MPP7: variants seen among roughly 807,000 people sequenced by gnomAD.
MPP7 encodes the protein MAGUK p55 scaffold protein 7.
MPP7 carries 60 observed loss-of-function variants against 76.5 expected under a neutral mutation model. That is an observed-to-expected ratio of 0.78 (90% CI 0.64 to 0.97). The LOEUF (loss-of-function observed/expected upper bound fraction) is 0.97, where lower values mean the gene tolerates loss of function less well. Among genes scored for constraint, MPP7 ranks in the 50% least tolerant of loss-of-function variants. The probability of loss-of-function intolerance (pLI) is 0.00; values close to 1 mark genes in which losing one functional copy is unlikely to be tolerated. For missense variants in MPP7, 641 were observed against 694.0 expected (o/e 0.92, Z 0.86); for synonymous variants, 237 against 244.5 (o/e 0.97, Z 0.29).
At chr10:28,250,646 T>C (rs1008032648) in intron 1 of MPP7, among the ~76,000 whole-genome samples, 1 of 152,214 alleles carries the variant, frequency 6.6e-6, no homozygotes, top group African/African-American at 2.4e-5. Context: ...ATTCCTTAAA[T>C]TGAGACATGC....
chr10:28,081,642 C>G (rs1852763805), intron 12 of MPP7, among the ~76,000 whole-genome samples: 1 of 151,992 alleles, frequency 6.6e-6, no homozygotes, highest in Non-Finnish European at 1.5e-5. Flanking sequence ...GAATAAAAAC[C>G]ATATAGCATT....
At chr10:28,138,982 C>T (rs1835430309) in intron 5 of MPP7, among the ~76,000 whole-genome samples, 1 of 152,120 alleles carries the variant, frequency 6.6e-6, no homozygotes, top group East Asian at 1.9e-4. Flanking sequence ...GGCAGACTGC[C>T]ACTGTTACTG....
intron 1 of MPP7, among the ~76,000 whole-genome samples, chr10:28,330,840 C>T (rs1053114782): frequency 2.6e-5 from 4 of 151,924 alleles, no homozygotes; most frequent in African/African-American, 7.3e-5. Context: ...AATTGTTTTT[C>T]GTAGAGTTGA....
intron 1 of MPP7, among the ~76,000 whole-genome samples, chr10:28,280,712 A>G (rs1488217272): frequency 1.3e-5 from 2 of 152,100 alleles, no homozygotes; most frequent in Admixed American, 6.5e-5. Context: ...AAGGCAGGCT[A>G]GGGCGCAGCC....
chr10:28,076,893 A>C (rs908375007), intron 12 of MPP7, among the ~76,000 whole-genome samples: 2 of 151,916 alleles, frequency 1.3e-5, no homozygotes, highest in Non-Finnish European at 2.9e-5. Flanking sequence ...GTCTGAAAAA[A>C]AAAAAAAAAT....
chr10:28,118,728 T>C, intron 11 of MPP7: 2 of 985,454 alleles, frequency 2.0e-6, no homozygotes, highest in South Asian at 9.4e-5. Context: ...CTTTAAGCAT[T>C]TGCCTGCTTG....
At chr10:28,141,428 T>C (rs909193679) in intron 5 of MPP7, among the ~76,000 whole-genome samples, 2 of 152,162 alleles carry the variant, frequency 1.3e-5, no homozygotes, top group African/African-American at 4.8e-5. Flanking sequence ...CAGGAAAAGA[T>C]TTTTAAAAAA....
chr10:28,264,409 T>C (rs74129033), intron 1 of MPP7, among the ~76,000 whole-genome samples: 1 of 152,016 alleles, frequency 6.6e-6, no homozygotes. Flanking sequence ...AGAAATCTAG[T>C]GCCCAGCCCT....
chr10:28,059,022 G>A (rs1000906124), intron 14 of MPP7, among the ~76,000 whole-genome samples: 1 of 152,120 alleles, frequency 6.6e-6, no homozygotes, highest in Non-Finnish European at 1.5e-5. Flanking sequence ...CAGGGCAGTC[G>A]ATCATGTGCT....
intron 3 of MPP7, among the ~76,000 whole-genome samples, chr10:28,152,465 A>G (rs1172390266): frequency 6.6e-6 from 1 of 152,196 alleles, no homozygotes; most frequent in African/African-American, 2.4e-5. Context: ...AAAGAAAAAA[A>G]TGATTTTTCA....
chr10:28,112,486 T>C (rs7907597), intron 11 of MPP7, among the ~76,000 whole-genome samples: 138,166 of 152,274 alleles, frequency 0.91, 62,717 homozygotes, highest in East Asian at 0.96. Context: ...ATTTCACATT[T>C]TAATAAAATT....
At chr10:28,234,820 G>T (rs959345128) in intron 2 of MPP7, among the ~76,000 whole-genome samples, 2 of 151,648 alleles carry the variant, frequency 1.3e-5, no homozygotes, top group African/African-American at 2.4e-5. Context: ...TTGTTGTTTT[G>T]TTTTTTTTGA....
chr10:28,107,048 C>G (rs1461742901), intron 11 of MPP7, among the ~76,000 whole-genome samples: 1 of 152,134 alleles, frequency 6.6e-6, no homozygotes, highest in Non-Finnish European at 1.5e-5. Context: ...ACACTGAGTA[C>G]CAAAATCTGG....
At chr10:28,122,753 C>T (rs567926497) in intron 8 of MPP7, among the ~76,000 whole-genome samples, 4 of 152,076 alleles carry the variant, frequency 2.6e-5, no homozygotes, top group Non-Finnish European at 5.9e-5. Context: ...TATTTTGAAA[C>T]ATTAGCCTTT....
chr10:28,212,493 A>C (rs2134024555), intron 2 of MPP7, among the ~76,000 whole-genome samples: 1 of 152,316 alleles, frequency 6.6e-6, no homozygotes, highest in Non-Finnish European at 1.5e-5. Flanking sequence ...TGGGCAGTTG[A>C]ATATGGGGTC....
At chr10:28,070,002 G>A in intron 12 of MPP7, 150 bp from the exon 13 acceptor site, 1 of 606,860 alleles carries the variant, frequency 1.6e-6, no homozygotes. Context: ...TTGAACTTAA[G>A]AAAATGCTAG....
intron 1 of MPP7, among the ~76,000 whole-genome samples, chr10:28,253,814 G>A (rs997363836): frequency 2.6e-5 from 4 of 151,676 alleles, no homozygotes; most frequent in Non-Finnish European, 5.9e-5. Flanking sequence ...TGGTCAACAT[G>A]GCAAAACCTC....
intron 6 of MPP7, among the ~76,000 whole-genome samples, chr10:28,130,957 C>T (rs1037247749): frequency 6.6e-6 from 1 of 152,002 alleles, no homozygotes; most frequent in Admixed American, 6.6e-5. Flanking sequence ...TAAGGAATAG[C>T]TAACAAATAA....
intron 12 of MPP7, among the ~76,000 whole-genome samples, chr10:28,087,582 G>T (rs7478268): frequency 6.6e-6 from 1 of 151,878 alleles, no homozygotes; most frequent in African/African-American, 2.4e-5. Flanking sequence ...TATTAGTAGA[G>T]ACAGGGTCTT....
Sources: allele counts gnomAD v4.1 joint callset (sites outside exome capture counted in the v4.1 genomes callset), GRCh38; gene constraint gnomAD v4.1.1; transcripts MANE v1.5; gene names NCBI Gene and HGNC (gene_info 2026-07-23, HGNC 2026-07-21).